FAM110B: variants seen among roughly 807,000 people sequenced by gnomAD.
The protein encoded by FAM110B is protein FAM110B.
FAM110B carries 6 observed loss-of-function variants against 20.4 expected under a neutral mutation model. The observed-to-expected ratio is 0.29, with a 90% CI of 0.16 to 0.58. The LOEUF is 0.58. Ranked by LOEUF, FAM110B falls within the 20% of genes least tolerant of loss-of-function variation. FAM110B has a pLI of 0.90. For missense variants in FAM110B, 434 were observed against 498.2 expected (o/e 0.87, Z 1.23); for synonymous variants, 226 against 214.1 (o/e 1.06, Z -0.49).
chr8:58,105,332 G>C (rs1806880405), intron 3 of FAM110B, among the ~76,000 whole-genome samples: 1 of 152,030 alleles, frequency 6.6e-6, no homozygotes. Flanking sequence ...TGAGAAGATA[G>C]ATATAAAGCA....
chr8:58,145,315 G>T (rs1305697027), intron 3 of FAM110B, among the ~76,000 whole-genome samples: 3 of 143,320 alleles, frequency 2.1e-5, no homozygotes, highest in Non-Finnish European at 4.6e-5. Context: ...ACGTGTTGAG[G>T]TTTTTTTTTT....
intron 1 of FAM110B, among the ~76,000 whole-genome samples, chr8:58,013,959 AGT>A (rs1306372956): frequency 6.6e-6 from 1 of 152,180 alleles, no homozygotes; most frequent in Non-Finnish European, 1.5e-5. Flanking sequence ...GTGCTGTGAA[AGT>A]GACTGGGACA....
At position 58,147,538 on chromosome 8, in the gene FAM110B, C is replaced by T. The variant is rs566221212; in HGVS notation, c.*195C>T. ...CATCGCTACAGAGCCTGGCTGAACA[C>T]GCGTCATCTGCCAAAAGTTTCAGGC... On this transcript the variant is annotated 3_prime_UTR_variant, in exon 4 of 4. Transcript: ENST00000519262. 2.7e-5 allele frequency: 18 copies of T among 663,826 alleles called. No homozygotes were observed. The highest frequency in any genetic ancestry group is 1.6e-4 in the Admixed American group (5 of 30,354). The allele number at this position is 663,826 out of a possible 1,614,324, so 41.1% of individuals were successfully genotyped here. A position where few individuals can be genotyped will look rare whatever the true frequency, so the allele number is the denominator to read the frequency against.
At chr8:58,070,804 C>G (rs1040462378) in intron 2 of FAM110B, among the ~76,000 whole-genome samples, 3 of 152,196 alleles carry the variant, frequency 2.0e-5, no homozygotes, top group South Asian at 2.1e-4. Flanking sequence ...CAGTGACTTT[C>G]CTGATGTTGA....
intron 3 of FAM110B, chr8:58,101,036 G>C (rs1320306025): frequency 6.6e-6 from 1 of 152,086 alleles, no homozygotes; most frequent in Non-Finnish European, 1.5e-5. Flanking sequence ...AATTAGCTGG[G>C]CATGGTGGTG....
chr8:58,019,587 A>G (rs957275633), intron 1 of FAM110B, among the ~76,000 whole-genome samples: 5 of 151,694 alleles, frequency 3.3e-5, no homozygotes, highest in Non-Finnish European at 7.4e-5. Context: ...AACTTCTTGA[A>G]TTTGCCTTCA....
chr8:57,997,501 A>C (rs1037269126), intron 1 of FAM110B, among the ~76,000 whole-genome samples: 3 of 152,200 alleles, frequency 2.0e-5, no homozygotes, highest in African/African-American at 7.2e-5. Flanking sequence ...ACTAATCTGA[A>C]CTTTTTTTCA....
intron 1 of FAM110B, among the ~76,000 whole-genome samples, chr8:58,025,295 G>A (rs1349341750): frequency 4.6e-5 from 7 of 152,176 alleles, no homozygotes; most frequent in African/African-American, 1.2e-4. Context: ...AACTAGGGGG[G>A]CATGGGCCGA....
chr8:58,138,716 C>T (rs958691392), intron 3 of FAM110B, among the ~76,000 whole-genome samples: 1 of 152,214 alleles, frequency 6.6e-6, no homozygotes, highest in African/African-American at 2.4e-5. Context: ...AGTCCACTCC[C>T]TCCTGACTTG....
At chr8:58,040,688 G>A (rs937258171) in intron 2 of FAM110B, among the ~76,000 whole-genome samples, 16 of 152,096 alleles carry the variant, frequency 1.1e-4, no homozygotes, top group African/African-American at 3.9e-4. Flanking sequence ...CTTTAAAATT[G>A]TATTTTGATT....
intron 2 of FAM110B, among the ~76,000 whole-genome samples, chr8:58,054,269 G>A (rs1805510824): frequency 1.3e-5 from 2 of 152,156 alleles, no homozygotes; most frequent in Admixed American, 1.3e-4. Context: ...AGGCATGAAG[G>A]TGGATATGAA....
intron 3 of FAM110B, among the ~76,000 whole-genome samples, chr8:58,105,984 G>A (rs1198720766): frequency 6.6e-6 from 1 of 152,098 alleles, no homozygotes; most frequent in African/African-American, 2.4e-5. Context: ...GAATCTGATT[G>A]TTGCCCCAAT....
chr8:58,010,000 G>A (rs1804495507), intron 1 of FAM110B, among the ~76,000 whole-genome samples: 1 of 151,964 alleles, frequency 6.6e-6, no homozygotes, highest in Non-Finnish European at 1.5e-5. Context: ...GTGGTTGATG[G>A]CACGGCTCTC....
chr8:58,020,352 A>C (rs1804726340), intron 1 of FAM110B, among the ~76,000 whole-genome samples: 1 of 152,144 alleles, frequency 6.6e-6, no homozygotes, highest in Non-Finnish European at 1.5e-5. Context: ...TGTATTTTGA[A>C]ATTTTAAAAA....
intron 3 of FAM110B, among the ~76,000 whole-genome samples, chr8:58,118,317 G>A (rs1016800936): frequency 6.6e-6 from 1 of 152,192 alleles, no homozygotes; most frequent in Non-Finnish European, 1.5e-5. Context: ...GCCTCAGTCA[G>A]GTCTCAAGAG....
At chr8:58,036,911 A>G (rs1460141773) in intron 2 of FAM110B, among the ~76,000 whole-genome samples, 1 of 152,204 alleles carries the variant, frequency 6.6e-6, no homozygotes, top group Non-Finnish European at 1.5e-5. Flanking sequence ...GTACAAGAGT[A>G]TACTGGTTTT....
intron 3 of FAM110B, among the ~76,000 whole-genome samples, chr8:58,083,038 A>C (rs1274802954): frequency 6.6e-6 from 1 of 151,050 alleles, no homozygotes; most frequent in African/African-American, 2.4e-5. Context: ...AATTAAGGAG[A>C]TGTTTGTGGA....
At chr8:58,013,181 TTC>T (rs1804573404) in intron 1 of FAM110B, among the ~76,000 whole-genome samples, 1 of 152,244 alleles carries the variant, frequency 6.6e-6, no homozygotes, top group East Asian at 1.9e-4. Flanking sequence ...CAACAAAGAT[TTC>T]TCTCTTTACT....
chr8:58,099,895 T>C (rs187818986), intron 3 of FAM110B, among the ~76,000 whole-genome samples: 3 of 152,336 alleles, frequency 2.0e-5, no homozygotes, highest in Non-Finnish European at 4.4e-5. Flanking sequence ...AAGATTTTTA[T>C]TGATTTCAGT....
Sources: gnomAD v4.1 joint callset for allele counts (sites outside exome capture counted in the v4.1 genomes callset) on GRCh38, gnomAD v4.1.1 for gene constraint, MANE v1.5 for transcripts, NCBI Gene and HGNC (gene_info 2026-07-23, HGNC 2026-07-21) for gene names.